The following ZNF638 variants were observed in gnomAD, a reference collection of about 807,000 sequenced individuals.
The protein encoded by ZNF638 is zinc finger protein 638, also known as CTCL tumor antigen se33-1.
Under a neutral mutation model 195.6 loss-of-function variants are expected in ZNF638, and 46 were observed. The ratio of observed to expected loss-of-function variants is 0.24; its 90% CI spans 0.19 to 0.30. The LOEUF is 0.30. Among genes scored for constraint, ZNF638 ranks in the 10% least tolerant of loss-of-function variants. The probability of loss-of-function intolerance (pLI) is 1.00; values close to 1 mark genes in which losing one functional copy is unlikely to be tolerated. For missense variants in ZNF638, 2,440 were observed against 2,325.3 expected, an observed-to-expected ratio of 1.05 and a Z score of -1.01; for synonymous variants, 845 against 772.0, an observed-to-expected ratio of 1.09 and a Z score of -1.57.
At chr2:71,411,283 C>G (rs915015393) in intron 20 of ZNF638, among the ~76,000 whole-genome samples, 3 of 151,414 alleles carry the variant, frequency 2.0e-5, no homozygotes, top group Admixed American at 6.6e-5. Context: ...CAGGGATTAG[C>G]CACCATGCCT....
chr2:71,340,195 T>C (rs2078740381), intron 1 of ZNF638, among the ~76,000 whole-genome samples: 1 of 152,244 alleles, frequency 6.6e-6, no homozygotes, highest in South Asian at 2.1e-4. Flanking sequence ...AAATAACGTT[T>C]CTAATTTTCT....
chr2:71,368,277 T>G, intron 6 of ZNF638, 105 bp from the exon 7 acceptor site: 1 of 1,059,006 alleles, frequency 9.4e-7, no homozygotes, highest in Non-Finnish European at 1.3e-6. Flanking sequence ...GAAAAGACCC[T>G]TTAGTGTACT....
Position 71,422,819 on chromosome 2 carries a change from G to T in ZNF638, c.3305G>T (p.Gly1102Val), listed in dbSNP as rs549407202. 6.2e-7 allele frequency: 1 copy of T among 1,606,748 alleles called. No individual in the cohort carries two copies. Among genetic ancestry groups the T allele is most frequent in the East Asian group, 2.2e-5 (1 of 44,796 alleles). The change falls in exon 22 of 28, where the codon GGC becomes GTC. Residue 1102 changes from glycine to valine, a missense_variant. This residue lies in a region of ZNF638 where 1,883 missense variants were observed against 1,739.1 expected (regional missense o/e 1.08). Transcript: ENST00000264447. ...TTGTTTTTAAATACTTTTAGCCCTG[G>T]CTTGAAAAACAGTCCAATTGATGAA... ...HDPELEKESP[G>V]LKNSPIDESE...
At chr2:71,396,224 A>C in intron 11 of ZNF638, 33 bp downstream of exon 11, 1 of 1,567,058 alleles carries the variant, frequency 6.4e-7, no homozygotes, top group South Asian at 1.1e-5. Flanking sequence ...CTAGACTATT[A>C]GTTAAAACTT....
intron 8 of ZNF638, among the ~76,000 whole-genome samples, chr2:71,377,288 C>G (rs1264762770): frequency 6.6e-6 from 1 of 152,064 alleles, no homozygotes; most frequent in Non-Finnish European, 1.5e-5. Context: ...AAAGTAGGAT[C>G]AGATTTCTAA....
Position 71,392,974 on chromosome 2 carries a change from T to C in ZNF638, c.2378-3167T>C, listed in dbSNP as rs191645232. On this transcript the variant is annotated intron_variant, in intron 10 of 27. Transcript: ENST00000264447. ...CACACGATACATCATTAAACATCTTTTAACTTTTGCGTTTATGGGGTGGCC... is the reference window on the plus strand; with the variant it reads ...CACACGATACATCATTAAACATCTTCTAACTTTTGCGTTTATGGGGTGGCC... Among the ~76,000 whole-genome samples the C allele has an allele frequency of 7.9e-5, 12 of 152,322 alleles. No homozygotes were observed. The East Asian group carries it at 2.1e-3, about 27-fold the overall frequency.
At chr2:71,335,139 C>G (rs572638109) in intron 1 of ZNF638, among the ~76,000 whole-genome samples, 1 of 152,228 alleles carries the variant, frequency 6.6e-6, no homozygotes, top group South Asian at 2.1e-4. Context: ...TGGGTGCAAG[C>G]GATGTTCCTG....
At chr2:71,425,343 A>G (rs12713749) in intron 23 of ZNF638, among the ~76,000 whole-genome samples, 80,941 of 151,938 alleles carry the variant, frequency 0.53, 23,454 homozygotes, top group African/African-American at 0.77. Context: ...TAAAGCAGAA[A>G]TAAGGATTAT....
rs763567029 is a variant in ZNF638, at chr2:71,424,081, AT to A, written c.4524+45del. 4 of 1,578,492 alleles carry A rather than the reference AT, an allele frequency of 2.5e-6. No homozygotes were observed. In the East Asian group the frequency reaches 6.7e-5, roughly 27 times the overall value. ...AATGGCACAGTGTGTCTTTGAAGTGATTAGCTCCGCTGCTGTAGCTATGTAG... is the reference window on the plus strand; with the variant it reads ...AATGGCACAGTGTGTCTTTGAAGTGATAGCTCCGCTGCTGTAGCTATGTAG... On this transcript the variant is annotated intron_variant, in intron 22 of 27. Coordinates refer to ENST00000264447, the MANE Select transcript of ZNF638 (RefSeq NM_014497.5).
intron 6 of ZNF638, among the ~76,000 whole-genome samples, chr2:71,366,119 C>T (rs961873159): frequency 1.3e-5 from 2 of 152,116 alleles, no homozygotes; most frequent in East Asian, 1.9e-4. Flanking sequence ...GGAGGCCAAG[C>T]GGGGTGGATC....
intron 1 of ZNF638, among the ~76,000 whole-genome samples, chr2:71,339,150 G>GTTTTTTTTTTTTTT: frequency 7.7e-6 from 1 of 130,162 alleles, no homozygotes. Context: ...GTCGGTTTAG[G>GTTTTTTTTTTTTTT]TTTTTTTTTT....
chr2:71,426,415 G>A (rs759560024), intron 23 of ZNF638, 45 bp from the exon 24 acceptor site: 1 of 1,390,848 alleles, frequency 7.2e-7, no homozygotes, highest in South Asian at 1.4e-5. Context: ...TCTAGCCAGT[G>A]GTCAAAATTT....
chr2:71,410,968 T>TCCCC (rs71402978), intron 20 of ZNF638, among the ~76,000 whole-genome samples: 6 of 63,018 alleles, frequency 9.5e-5, no homozygotes, highest in Admixed American at 3.8e-4. Flanking sequence ...GAAGTTTTTC[T>TCCCC]CCCCACCCAC....
In ZNF638 at chr2:71,379,739, A is replaced by T. The variant is rs78547469; in HGVS notation, c.2266-483A>T. ...AGTTTTATTACACTATATTCTTACA[A>T]CTTATTTTTTTAATTTAAAATATGG... is the stretch of plus-strand genomic sequence containing the variant. On this transcript the variant is annotated intron_variant, in intron 8 of 27. Coordinates refer to ENST00000264447, the MANE Select transcript of ZNF638 (RefSeq NM_014497.5). 9.7e-3 allele frequency: 1,481 copies of T among 152,442 alleles called. 20 individuals carry two copies. Among genetic ancestry groups the T allele is most frequent in the Non-Finnish European group, 0.014 (929 of 68,068 alleles). The allele number at this position is 152,442 out of a possible 1,614,324, so 9.4% of individuals were successfully genotyped here. A position where few individuals can be genotyped will look rare whatever the true frequency, so the allele number is the denominator to read the frequency against.
chr2:71,369,469 G>C (rs2104298086), intron 7 of ZNF638, among the ~76,000 whole-genome samples: 1 of 152,200 alleles, frequency 6.6e-6, no homozygotes, highest in South Asian at 2.1e-4. Context: ...CAAGACCTCT[G>C]TCTTAATTTT....
At chr2:71,367,591 C>A (rs759875163) in intron 6 of ZNF638, among the ~76,000 whole-genome samples, 1 of 151,994 alleles carries the variant, frequency 6.6e-6, no homozygotes, top group Non-Finnish European at 1.5e-5. Context: ...AGGCGTGTGC[C>A]ACCACGCCTG....
intron 2 of ZNF638, among the ~76,000 whole-genome samples, chr2:71,352,942 T>G (rs2078966577): frequency 6.6e-6 from 1 of 152,170 alleles, no homozygotes; most frequent in Non-Finnish European, 1.5e-5. Flanking sequence ...AGACACACCT[T>G]TTAACAGCAC....
Position 71,423,895 on chromosome 2 carries a change from AGCAGTCTTACCAGAGGAG to A in ZNF638, c.4387_4404del (p.Leu1463_Ser1468del), listed in dbSNP as rs752383753. The A allele has an allele frequency of 9.3e-6, 15 of 1,614,114 alleles. No individual in the cohort carries two copies. The African/African-American group carries it at 1.6e-4, about 17-fold the overall frequency. On this transcript the variant is annotated inframe_deletion, in exon 22 of 28. Coordinates refer to ENST00000264447, the MANE Select transcript of ZNF638 (RefSeq NM_014497.5). ...CAGCAGTAAATTCAAACCTACTCAGAGCAGTCTTACCAGAGGAGGCAGTGGAAGGATCTCAGCCCTGCA... is the reference window on the plus strand; with the variant it reads ...CAGCAGTAAATTCAAACCTACTCAGAGCAGTGGAAGGATCTCAGCCCTGCA...
At position 71,389,191 on chromosome 2, in the gene ZNF638, C is replaced by A. The variant is rs375241789; in HGVS notation, c.2378-6950C>A. 5.3e-5 allele frequency among the ~76,000 whole-genome samples: 8 copies of A among 152,168 alleles called. 1 individual carries two copies. The South Asian group carries it at 1.5e-3, about 28-fold the overall frequency. Reference sequence around the variant, plus strand: ...GAGGAAACAGAGGTTTTCCCTGAGCCCCCTCCCCCAATAAATTGGAAAAAA... The same window carrying A: ...GAGGAAACAGAGGTTTTCCCTGAGCACCCTCCCCCAATAAATTGGAAAAAA... On this transcript the variant is annotated intron_variant, in intron 10 of 27. Coordinates refer to ENST00000264447, the MANE Select transcript of ZNF638 (RefSeq NM_014497.5).
Sources: gnomAD v4.1 joint callset for allele counts (sites outside exome capture counted in the v4.1 genomes callset) on GRCh38, gnomAD v4.1.1 for gene constraint, gnomAD v4.1.1 regional missense constraint, MANE v1.5 for transcripts, NCBI Gene and HGNC (gene_info 2026-07-23, HGNC 2026-07-21) for gene names.